The following NOS1AP variants were observed in gnomAD, a reference collection of about 807,000 sequenced individuals.
NOS1AP encodes carboxyl-terminal PDZ ligand of neuronal nitric oxide synthase protein.
In NOS1AP, 21 loss-of-function variants were observed where a neutral mutation model predicts 56.2. The observed-to-expected ratio is 0.37, with a 90% CI of 0.26 to 0.54. The LOEUF is 0.54. NOS1AP is among the 20% of genes least tolerant of loss of function. NOS1AP has a pLI of 0.84. For missense variants in NOS1AP, 522 were observed against 657.8 expected (o/e 0.79, Z 2.26); for synonymous variants, 270 against 274.6 (o/e 0.98, Z 0.17).
Position 162,233,981 on chromosome 1 carries a change from A to G in NOS1AP, c.178-53363A>G, listed in dbSNP as rs148805740. On this transcript the variant is annotated intron_variant, in intron 2 of 9. Transcript: ENST00000361897. The stretch of plus-strand genomic sequence containing the variant: ...ATGTGGTAGTAACCTACTTTGAGAA[A>G]CACATCTTGTCTGCTATTGGACATA... 3.3e-5 allele frequency among the ~76,000 whole-genome samples: 5 copies of G among 152,326 alleles called. No homozygotes were observed. The East Asian group carries it at 9.6e-4, about 29-fold the overall frequency.
chr1:162,189,988 T>TC, intron 2 of NOS1AP, among the ~76,000 whole-genome samples: 1 of 152,254 alleles, frequency 6.6e-6, no homozygotes, highest in Non-Finnish European at 1.5e-5. Flanking sequence ...GAGAGCACCC[T>TC]CCAGTGAAGA....
At chr1:162,359,883 T>C (rs1657835144) in intron 8 of NOS1AP, among the ~76,000 whole-genome samples, 1 of 152,204 alleles carries the variant, frequency 6.6e-6, no homozygotes, top group African/African-American at 2.4e-5. Context: ...CAGGTGGGAA[T>C]AGTTTCCTTC....
chr1:162,340,829 G>A (rs1657086357), intron 5 of NOS1AP, among the ~76,000 whole-genome samples: 1 of 152,208 alleles, frequency 6.6e-6, no homozygotes. Context: ...ATGTGAAAAT[G>A]AAGTGTTATC....
chr1:162,203,369 G>C (rs1303667506), intron 2 of NOS1AP, among the ~76,000 whole-genome samples: 1 of 152,184 alleles, frequency 6.6e-6, no homozygotes, highest in Non-Finnish European at 1.5e-5. Context: ...CTACTGGTCT[G>C]TGCTCTAATT....
chr1:162,073,050 G>T (rs893779205), intron 1 of NOS1AP, among the ~76,000 whole-genome samples: 3 of 152,182 alleles, frequency 2.0e-5, no homozygotes, highest in Non-Finnish European at 4.4e-5. Flanking sequence ...GAGATTGAAA[G>T]GTGTGGGGTT....
At chr1:162,214,637 T>C (rs1013388083) in intron 2 of NOS1AP, among the ~76,000 whole-genome samples, 4 of 152,238 alleles carry the variant, frequency 2.6e-5, no homozygotes, top group Non-Finnish European at 5.9e-5. Context: ...ATCTTTTTAA[T>C]TTTGTGAAGT....
At chr1:162,284,941 G>A (rs1655045308) in intron 2 of NOS1AP, among the ~76,000 whole-genome samples, 1 of 152,198 alleles carries the variant, frequency 6.6e-6, no homozygotes, top group African/African-American at 2.4e-5. Context: ...TAAGGTTATG[G>A]CATAGCAGGC....
intron 1 of NOS1AP, among the ~76,000 whole-genome samples, chr1:162,106,625 G>A (rs1430517656): frequency 1.3e-5 from 2 of 152,140 alleles, no homozygotes; most frequent in Non-Finnish European, 1.5e-5. Context: ...GCCACAAATG[G>A]CTTATAATAC....
chr1:162,174,472 A>G (rs1196394574), intron 2 of NOS1AP, among the ~76,000 whole-genome samples: 1 of 151,714 alleles, frequency 6.6e-6, no homozygotes, highest in African/African-American at 2.4e-5. Context: ...TGATGAGTTA[A>G]TGGGTGCAGC....
At position 162,200,699 on chromosome 1, in the gene NOS1AP, C is replaced by T. The variant is rs572691462; in HGVS notation, c.177+46223C>T. Among the ~76,000 whole-genome samples, 5 of 152,226 alleles carry T rather than the reference C, an allele frequency of 3.3e-5. No homozygotes were observed. In the East Asian group the frequency reaches 9.7e-4, roughly 29 times the overall value. Reference sequence around the variant, plus strand: ...GACTTTTGGAGAATCAGGAGTTCTCCAAAGAGAGGGGAAAAGATATGTTGC... The same window carrying T: ...GACTTTTGGAGAATCAGGAGTTCTCTAAAGAGAGGGGAAAAGATATGTTGC... On this transcript the variant is annotated intron_variant, in intron 2 of 9. Coordinates refer to ENST00000361897, the MANE Select transcript of NOS1AP (RefSeq NM_014697.3).
chr1:162,346,941 A>C (rs924476984), intron 6 of NOS1AP, among the ~76,000 whole-genome samples: 2 of 152,210 alleles, frequency 1.3e-5, no homozygotes, highest in African/African-American at 4.8e-5. Context: ...CGTAGTACTA[A>C]TGTGATGTAA....
At chr1:162,197,753 GC>G (rs1651854468) in intron 2 of NOS1AP, among the ~76,000 whole-genome samples, 1 of 152,194 alleles carries the variant, frequency 6.6e-6, no homozygotes, top group African/African-American at 2.4e-5. Flanking sequence ...ACCACCAGGG[GC>G]CAACTGTCCA....
intron 2 of NOS1AP, among the ~76,000 whole-genome samples, chr1:162,281,408 A>T (rs185208892): frequency 9.7e-4 from 147 of 152,328 alleles, no homozygotes; most frequent in Admixed American, 7.2e-4. Flanking sequence ...AGAAATATGT[A>T]TCAGTCATAT....
At chr1:162,365,713 C>A in intron 9 of NOS1AP, 144 bp downstream of exon 9, 1 of 965,824 alleles carries the variant, frequency 1.0e-6, no homozygotes, top group Non-Finnish European at 1.6e-6. Context: ...TTTGTTTTCC[C>A]ATTAGTATAC....
intron 2 of NOS1AP, among the ~76,000 whole-genome samples, chr1:162,258,542 T>C (rs1654108314): frequency 6.6e-6 from 1 of 152,148 alleles, no homozygotes; most frequent in Non-Finnish European, 1.5e-5. Flanking sequence ...TCCTCTGTGG[T>C]TCTATGTGTC....
chr1:162,093,010 T>G (rs758085693), intron 1 of NOS1AP, among the ~76,000 whole-genome samples: 2 of 152,232 alleles, frequency 1.3e-5, no homozygotes, highest in Non-Finnish European at 2.9e-5. Flanking sequence ...GATCTTCAGA[T>G]CCTTTGTTTG....
chr1:162,364,477 C>T, intron 8 of NOS1AP: 2 of 985,422 alleles, frequency 2.0e-6, no homozygotes, highest in Non-Finnish European at 2.4e-6. Flanking sequence ...TCTGGTTGCC[C>T]CTGTCTCCTC....
chr1:162,241,112 A>C (rs544747200), intron 2 of NOS1AP, among the ~76,000 whole-genome samples: 74 of 152,194 alleles, frequency 4.9e-4, no homozygotes, highest in Non-Finnish European at 1.0e-3. Flanking sequence ...CCTGATTGGA[A>C]AGGCACCTAC....
intron 8 of NOS1AP, chr1:162,360,864 T>G: frequency 2.2e-6 from 1 of 456,692 alleles, no homozygotes; most frequent in Non-Finnish European, 4.4e-6. Context: ...TCCATGTGCC[T>G]GCTACTCCCT....
Sources: allele counts gnomAD v4.1 joint callset (sites outside exome capture counted in the v4.1 genomes callset), GRCh38; gene constraint gnomAD v4.1.1; transcripts MANE v1.5; gene names NCBI Gene and HGNC (gene_info 2026-07-23, HGNC 2026-07-21).